Variants in CDH20 observed in about 807,000 individuals in gnomAD.
The protein encoded by CDH20 is cadherin-20.
CDH20 carries 29 observed loss-of-function variants against 74.2 expected under a neutral mutation model. The observed-to-expected ratio is 0.39, with a 90% CI of 0.29 to 0.53. CDH20 has a LOEUF of 0.53. Among genes scored for constraint, CDH20 ranks in the 20% least tolerant of loss-of-function variants. The probability of loss-of-function intolerance (pLI) is 0.69; values close to 1 mark genes in which losing one functional copy is unlikely to be tolerated. For synonymous variants in CDH20, 469 were observed against 405.4 expected (o/e 1.16, Z -1.88); for missense variants, 988 against 1,048.3 (o/e 0.94, Z 0.79).
At chr18:61,485,224 T>G (rs1314591765) in intron 1 of CDH20, among the ~76,000 whole-genome samples, 4 of 152,200 alleles carry the variant, frequency 2.6e-5, no homozygotes, top group Non-Finnish European at 1.5e-5. Flanking sequence ...CGATTCTCCA[T>G]ACACCATCAA....
At chr18:61,439,437 A>AT (rs1274011746) in intron 1 of CDH20, among the ~76,000 whole-genome samples, 5 of 152,184 alleles carry the variant, frequency 3.3e-5, no homozygotes, top group Non-Finnish European at 7.4e-5. Context: ...AGAATCAACC[A>AT]TAACAAGCAA....
chr18:61,339,451 T>A (rs527577915), intron 1 of CDH20, among the ~76,000 whole-genome samples: 26 of 151,616 alleles, frequency 1.7e-4, no homozygotes, highest in African/African-American at 6.3e-4. Flanking sequence ...ATAATGACCA[T>A]TGTACCCCAT....
In CDH20 at chr18:61,364,826, C is replaced by A. The variant is rs748465932; in HGVS notation, c.-153+30999C>A. 4.6e-5 allele frequency among the ~76,000 whole-genome samples: 7 copies of A among 152,220 alleles called. No homozygotes were observed. The South Asian group carries it at 6.2e-4, about 14-fold the overall frequency. ...TAACCCTTTTTCTTTCAAAATTACC[C>A]AGTCTCAGGTGTTCCCTCAGAGCAA... On this transcript the variant is annotated intron_variant, in intron 1 of 11. Transcript: ENST00000262717.
At chr18:61,465,110 A>G (rs1416513130) in intron 1 of CDH20, among the ~76,000 whole-genome samples, 2 of 152,230 alleles carry the variant, frequency 1.3e-5, no homozygotes, top group Admixed American at 1.3e-4. Context: ...CATGCTCTTC[A>G]CAGAGCTCAC....
chr18:61,522,685 CA>C (rs1445619843), intron 6 of CDH20, among the ~76,000 whole-genome samples: 7 of 152,046 alleles, frequency 4.6e-5, no homozygotes, highest in African/African-American at 1.7e-4. Context: ...CTACAGTAAC[CA>C]AAAAAGCATG....
rs1439102596 is a variant in CDH20 at position 61,527,877 on chromosome 18, G to A, written c.1018-90G>A. On this transcript the variant is annotated intron_variant, in intron 6 of 11. Coordinates refer to ENST00000262717, the MANE Select transcript of CDH20 (RefSeq NM_031891.4). Reference sequence around the variant, plus strand: ...AATGAATTGGAGAATCTTCCCACCAGCCATCAATATTGGGCATCCTTTTGA... The same window carrying A: ...AATGAATTGGAGAATCTTCCCACCAACCATCAATATTGGGCATCCTTTTGA... The A allele has an allele frequency of 1.0e-5, 12 of 1,200,382 alleles. No individual in the cohort carries two copies. The Admixed American group carries it at 1.1e-4, about 11-fold the overall frequency. The allele number at this position is 1,200,382 out of a possible 1,614,324, so 74.4% of individuals were successfully genotyped here.
chr18:61,359,237 C>T (rs935280259), intron 1 of CDH20, among the ~76,000 whole-genome samples: 3 of 152,130 alleles, frequency 2.0e-5, no homozygotes, highest in Admixed American at 6.5e-5. Flanking sequence ...ATACATTTTG[C>T]AGAGCATTTT....
intron 10 of CDH20, among the ~76,000 whole-genome samples, chr18:61,546,587 G>A (rs928064667): frequency 6.6e-6 from 1 of 152,020 alleles, no homozygotes; most frequent in Admixed American, 6.5e-5. Context: ...GGCAACCCTG[G>A]GGAGGGAAAA....
chr18:61,408,837 T>C (rs1912409411), intron 1 of CDH20, among the ~76,000 whole-genome samples: 1 of 152,148 alleles, frequency 6.6e-6, no homozygotes, highest in South Asian at 2.1e-4. Context: ...AAAAGTCAAA[T>C]TGCACTATGT....
chr18:61,445,981 ATG>A (rs1217473257), intron 1 of CDH20, among the ~76,000 whole-genome samples: 2 of 152,092 alleles, frequency 1.3e-5, no homozygotes, highest in African/African-American at 2.4e-5. Flanking sequence ...AGATCTCTCC[ATG>A]TACCCTGGGC....
chr18:61,522,860 A>G (rs181066718), intron 6 of CDH20, among the ~76,000 whole-genome samples: 2 of 152,374 alleles, frequency 1.3e-5, no homozygotes, highest in African/African-American at 2.4e-5. Flanking sequence ...CTGGCTAGCC[A>G]TATGCAGAAA....
chr18:61,404,922 G>A, intron 1 of CDH20: 1 of 697,998 alleles, frequency 1.4e-6, no homozygotes, highest in South Asian at 1.4e-5. Context: ...ATCAATGATA[G>A]CCAGTGTGCA....
At chr18:61,454,860 G>C (rs1167782388) in intron 1 of CDH20, among the ~76,000 whole-genome samples, 1 of 152,186 alleles carries the variant, frequency 6.6e-6, no homozygotes, top group Non-Finnish European at 1.5e-5. Context: ...ATTGTGGTAA[G>C]GTGTTTATTG....
intron 1 of CDH20, among the ~76,000 whole-genome samples, chr18:61,372,443 C>T: frequency 6.6e-6 from 1 of 152,046 alleles, no homozygotes. Context: ...TCAGGAAATA[C>T]TTTATCAGAA....
At chr18:61,465,718 A>G (rs920127868) in intron 1 of CDH20, among the ~76,000 whole-genome samples, 5 of 152,194 alleles carry the variant, frequency 3.3e-5, no homozygotes, top group Non-Finnish European at 5.9e-5. Context: ...TAGAGGATCA[A>G]AGCATCCAGA....
chr18:61,554,450 A>G lies in CDH20; in HGVS notation c.2161A>G (p.Thr721Ala), dbSNP rs764903645. The stretch of plus-strand genomic sequence containing the variant: ...GCCTCAGACGTGCGCAGTGAACAGC[A>G]CTGTCCACAGCTACGTGCTGGCCAA... ...YVPQTCAVNS[T>A]VHSYVLAKLY... The change falls in exon 12 of 12, where the codon ACT (threonine) becomes GCT (alanine). Residue 721 changes from threonine to alanine, a missense_variant. By Grantham distance (58) the Thr-to-Ala change is moderately conservative (BLOSUM62 0). Around this residue, in one of 2 missense-constraint regions of CDH20, gnomAD observed 375 missense variants for 293.1 expected, o/e 1.28. Transcript: ENST00000262717. The G allele has an allele frequency of 6.2e-6, 10 of 1,613,268 alleles. No homozygotes were observed. Among genetic ancestry groups the G allele is most frequent in the Non-Finnish European group, 8.5e-6 (10 of 1,179,938 alleles).
intron 6 of CDH20, among the ~76,000 whole-genome samples, chr18:61,516,562 T>C (rs1912010239): frequency 1.3e-5 from 2 of 152,246 alleles, no homozygotes; most frequent in Admixed American, 1.3e-4. Flanking sequence ...CTTTTTGTTT[T>C]TGTATCCTCT....
intron 1 of CDH20, among the ~76,000 whole-genome samples, chr18:61,411,416 A>G (rs1387240131): frequency 6.6e-6 from 1 of 152,140 alleles, no homozygotes; most frequent in Non-Finnish European, 1.5e-5. Flanking sequence ...ATCTACCCAG[A>G]AGAAATGAAG....
At chr18:61,527,366 AATAGATAGATAGATAGATAG>A (rs10585438) in intron 6 of CDH20, among the ~76,000 whole-genome samples, 20 of 142,148 alleles carry the variant, frequency 1.4e-4, no homozygotes, top group Admixed American at 4.4e-4. Context: ...TGAATATTCT[AATAGATAGATAGATAGATAG>A]ATAGATAGAT....
Sources: gnomAD v4.1 joint callset for allele counts (sites outside exome capture counted in the v4.1 genomes callset) on GRCh38, gnomAD v4.1.1 for gene constraint, gnomAD v4.1.1 regional missense constraint, MANE v1.5 for transcripts, NCBI Gene and HGNC (gene_info 2026-07-23, HGNC 2026-07-21) for gene names.